The following ST6GALNAC5 variants were observed in gnomAD, a reference collection of about 807,000 sequenced individuals.
ST6GALNAC5 encodes the protein alpha-N-acetylgalactosaminide alpha-2,6-sialyltransferase 5.
Under a neutral mutation model 33.6 loss-of-function variants are expected in ST6GALNAC5, and 27 were observed. That is an observed-to-expected ratio of 0.80 (90% CI 0.59 to 1.11). The LOEUF (loss-of-function observed/expected upper bound fraction) is 1.11. ST6GALNAC5 is among the 50% of genes least tolerant of loss of function. The pLI is 0.00. For synonymous variants in ST6GALNAC5, 194 were observed against 171.2 expected, an observed-to-expected ratio of 1.13 and a Z score of -1.04; for missense variants, 428 against 454.0, an observed-to-expected ratio of 0.94 and a Z score of 0.52.
chr1:76,965,019 T>A (rs1648400769), intron 2 of ST6GALNAC5, among the ~76,000 whole-genome samples: 1 of 152,222 alleles, frequency 6.6e-6, no homozygotes, highest in African/African-American at 2.4e-5. Flanking sequence ...GATGGAAATT[T>A]GGGTTGGTTC....
chr1:77,039,124 C>T (rs1006280682), intron 2 of ST6GALNAC5, among the ~76,000 whole-genome samples: 1 of 152,210 alleles, frequency 6.6e-6, no homozygotes, highest in African/African-American at 2.4e-5. Flanking sequence ...CCACCTGCCT[C>T]CCACTGGCTC....
chr1:76,890,436 C>T (rs906731779), intron 2 of ST6GALNAC5, among the ~76,000 whole-genome samples: 1 of 152,074 alleles, frequency 6.6e-6, no homozygotes, highest in Admixed American at 6.6e-5. Context: ...TGCCCCTTGT[C>T]CCTCCACATG....
chr1:76,975,430 G>C (rs1466267212), intron 2 of ST6GALNAC5, among the ~76,000 whole-genome samples: 1 of 152,168 alleles, frequency 6.6e-6, no homozygotes, highest in Non-Finnish European at 1.5e-5. Flanking sequence ...CTTGGTGAGA[G>C]TGATATTTTT....
At chr1:77,036,947 G>C (rs977024725) in intron 2 of ST6GALNAC5, among the ~76,000 whole-genome samples, 1 of 152,216 alleles carries the variant, frequency 6.6e-6, no homozygotes, top group Non-Finnish European at 1.5e-5. Flanking sequence ...TTTAGATTGA[G>C]TGGTCAAGGA....
chr1:76,938,112 G>T (rs1647235428), intron 2 of ST6GALNAC5, among the ~76,000 whole-genome samples: 2 of 152,066 alleles, frequency 1.3e-5, no homozygotes. Flanking sequence ...TCAGAGTAGA[G>T]TTGTGAGTAT....
chr1:76,871,131 G>A (rs936694048), intron 2 of ST6GALNAC5: 4 of 152,242 alleles, frequency 2.6e-5, no homozygotes, highest in African/African-American at 9.6e-5. Flanking sequence ...ATAGGCAGAG[G>A]TGGAAGACAT....
intron 2 of ST6GALNAC5, among the ~76,000 whole-genome samples, chr1:76,941,965 C>G (rs1053178594): frequency 2.0e-5 from 3 of 152,118 alleles, no homozygotes; most frequent in Non-Finnish European, 2.9e-5. Flanking sequence ...AGAGTCAATT[C>G]TGAAAAACAC....
intron 2 of ST6GALNAC5, among the ~76,000 whole-genome samples, chr1:77,021,590 A>T (rs1171105141): frequency 6.6e-6 from 1 of 152,150 alleles, no homozygotes; most frequent in Non-Finnish European, 1.5e-5. Flanking sequence ...TGTTCACATG[A>T]GCCTTTGTCC....
At chr1:76,941,493 C>T (rs1647334724) in intron 2 of ST6GALNAC5, among the ~76,000 whole-genome samples, 1 of 152,116 alleles carries the variant, frequency 6.6e-6, no homozygotes, top group Admixed American at 6.6e-5. Flanking sequence ...CTCCTAATCA[C>T]TAGAACCTAT....
chr1:76,932,300 A>G (rs1329461864), intron 2 of ST6GALNAC5, among the ~76,000 whole-genome samples: 1 of 152,122 alleles, frequency 6.6e-6, no homozygotes, highest in East Asian at 1.9e-4. Context: ...GTGGCATCAC[A>G]AAGAATTAGC....
intron 4 of ST6GALNAC5, among the ~76,000 whole-genome samples, chr1:77,056,790 C>T (rs1031560881): frequency 2.6e-5 from 4 of 152,050 alleles, no homozygotes; most frequent in South Asian, 2.1e-4. Flanking sequence ...GGCTCTTTGT[C>T]CCATGAACTG....
At chr1:76,995,485 T>C (rs1352831832) in intron 2 of ST6GALNAC5, 1 of 152,146 alleles carries the variant, frequency 6.6e-6, no homozygotes. Flanking sequence ...AGTCATAGAC[T>C]CTCCTCAGAC....
intron 2 of ST6GALNAC5, among the ~76,000 whole-genome samples, chr1:76,933,883 T>C (rs1213023662): frequency 2.0e-5 from 3 of 151,898 alleles, no homozygotes; most frequent in African/African-American, 7.2e-5. Context: ...ATCCTCTTAC[T>C]GCACTGGCAA....
chr1:77,005,631 A>G (rs1024514700), intron 2 of ST6GALNAC5, among the ~76,000 whole-genome samples: 14 of 152,190 alleles, frequency 9.2e-5, no homozygotes, highest in African/African-American at 2.7e-4. Context: ...TGTGCAACCA[A>G]TACCACTATC....
chr1:77,012,991 C>T (rs1650695230), intron 2 of ST6GALNAC5, among the ~76,000 whole-genome samples: 1 of 152,092 alleles, frequency 6.6e-6, no homozygotes, highest in African/African-American at 2.4e-5. Context: ...AAAAAGCCCC[C>T]AAAGAAGGAG....
At chr1:77,020,624 C>T (rs943162523) in intron 2 of ST6GALNAC5, among the ~76,000 whole-genome samples, 4 of 152,174 alleles carry the variant, frequency 2.6e-5, no homozygotes, top group Non-Finnish European at 4.4e-5. Flanking sequence ...TGGTCTTGAG[C>T]TCCTGGACTC....
At position 77,067,365 on chromosome 1, in the gene ST6GALNAC5, A is replaced by G. The variant is rs1652813811; in HGVS notation, c.*4159A>G. Among the ~76,000 whole-genome samples the G allele has an allele frequency of 6.6e-6, 1 of 152,156 alleles. No individual in the cohort carries two copies. The highest frequency in any genetic ancestry group is 6.5e-5 in the Admixed American group (1 of 15,284). On this transcript the variant is annotated 3_prime_UTR_variant, in exon 5 of 5. Coordinates refer to ENST00000477717, the MANE Select transcript of ST6GALNAC5 (RefSeq NM_030965.3). ...GTTTCTTTCTACTCAGTGCCCTAAT[A>G]TTATATACTACCTTGAATTGTGCTT...
At chr1:76,979,755 C>T (rs530388643) in intron 2 of ST6GALNAC5, among the ~76,000 whole-genome samples, 19 of 152,236 alleles carry the variant, frequency 1.2e-4, no homozygotes, top group South Asian at 2.1e-4. Context: ...GGCAAAACCC[C>T]GTCTCTACTG....
At chr1:77,050,075 C>T (rs975857628) in intron 3 of ST6GALNAC5, among the ~76,000 whole-genome samples, 183 bp from the exon 4 acceptor site, 28 of 152,120 alleles carry the variant, frequency 1.8e-4, no homozygotes, top group Non-Finnish European at 1.6e-4. Context: ...TATGATTGTA[C>T]TGTGGAATAT....
Sources: gnomAD v4.1 joint callset for allele counts (sites outside exome capture counted in the v4.1 genomes callset) on GRCh38, gnomAD v4.1.1 for gene constraint, MANE v1.5 for transcripts, NCBI Gene and HGNC (gene_info 2026-07-23, HGNC 2026-07-21) for gene names.